The following CCAR1 variants were observed in gnomAD, a reference collection of about 807,000 sequenced individuals.
The protein encoded by CCAR1 is cell division cycle and apoptosis regulator protein 1.
A neutral mutation model predicts 163.8 loss-of-function variants in CCAR1; 78 were observed. That is an observed-to-expected ratio of 0.48 (90% CI 0.40 to 0.57). The LOEUF is 0.57. CCAR1 is among the 20% of genes least tolerant of loss of function. The pLI, the probability that CCAR1 is intolerant of heterozygous loss-of-function variation, is 0.00. For synonymous variants in CCAR1, 443 were observed against 460.7 expected, an observed-to-expected ratio of 0.96 and a Z score of 0.49; for missense variants, 1,019 against 1,365.2, an observed-to-expected ratio of 0.75 and a Z score of 4.00.
chr10:68,758,505 TGTG>T (rs2133370190), intron 15 of CCAR1, among the ~76,000 whole-genome samples: 1 of 78,474 alleles, frequency 1.3e-5, no homozygotes, highest in Non-Finnish European at 2.4e-5. Context: ...TCCTGGGCAG[TGTG>T]TGTGTGTGTG....
At chr10:68,749,400 A>G (rs1208181770) in intron 9 of CCAR1, 124 bp from the exon 10 acceptor site, 26 of 1,278,410 alleles carry the variant, frequency 2.0e-5, no homozygotes, top group African/African-American at 3.0e-5. Flanking sequence ...TTTTACTACA[A>G]TTTTTAAAAA....
rs201730362 is a variant in CCAR1 at position 68,786,528 on chromosome 10, A to G, written c.2734-18A>G. 3 of 1,541,612 alleles carry G rather than the reference A, an allele frequency of 1.9e-6. No homozygotes were observed. The highest frequency in any genetic ancestry group is 2.2e-5 in the Admixed American group (1 of 44,534). ...TTGAAATTTGAATACTATGTTTTCT[A>G]CTTCTCCATTTTCTTAGGAAAAAGA... On this transcript the variant is annotated intron_variant, in intron 20 of 24. Transcript: ENST00000265872.
At chr10:68,750,988 C>T (rs2056322845) in intron 10 of CCAR1, among the ~76,000 whole-genome samples, 1 of 151,184 alleles carries the variant, frequency 6.6e-6, no homozygotes, top group Non-Finnish European at 1.5e-5. Context: ...CGTTCATTTA[C>T]TCTTACTTAT....
intron 2 of CCAR1, among the ~76,000 whole-genome samples, chr10:68,733,755 C>T (rs1026625290): frequency 7.9e-5 from 12 of 152,148 alleles, no homozygotes; most frequent in Non-Finnish European, 1.8e-4. Flanking sequence ...ACTATACCTC[C>T]CGGGTTCAAG....
At chr10:68,782,419 G>A (rs1034889002) in intron 19 of CCAR1, among the ~76,000 whole-genome samples, 8 of 151,220 alleles carry the variant, frequency 5.3e-5, no homozygotes, top group East Asian at 1.9e-4. Flanking sequence ...TCTTGGGGGC[G>A]GGTAAAAAAA....
At chr10:68,789,347 T>C (rs1164838806) in intron 23 of CCAR1, among the ~76,000 whole-genome samples, 2 of 151,834 alleles carry the variant, frequency 1.3e-5, no homozygotes, top group Admixed American at 1.3e-4. Flanking sequence ...ATCCCAGCAC[T>C]TTGGGAGGCC....
intron 10 of CCAR1, among the ~76,000 whole-genome samples, chr10:68,753,046 T>TA (rs1041209720): frequency 2.0e-5 from 3 of 147,368 alleles, no homozygotes; most frequent in Admixed American, 6.8e-5. Context: ...ATACTTCAAA[T>TA]AAAGACATCT....
In CCAR1 at chr10:68,771,346, T is replaced by TA; in HGVS notation, c.2445dup (p.Glu816ArgfsTer5). ...AAAGCAAAAAAGATGAGAGAAAAGA[T>TA]AAAAAAGAAGAAAGAGATGATGAAA... On this transcript the variant is annotated frameshift_variant, in exon 18 of 25. Coordinates refer to ENST00000265872, the MANE Select transcript of CCAR1 (RefSeq NM_018237.4). LOFTEE classifies it high-confidence loss of function. The TA allele has an allele frequency of 6.2e-7, 1 of 1,603,860 alleles. No homozygotes were observed. The highest frequency in any genetic ancestry group is 8.5e-7 in the Non-Finnish European group (1 of 1,174,484).
At chr10:68,747,065 G>A in intron 6 of CCAR1, 96 bp from the exon 7 acceptor site, 1 of 616,732 alleles carries the variant, frequency 1.6e-6, no homozygotes, top group Non-Finnish European at 2.7e-6. Flanking sequence ...TTGAGATATG[G>A]TTTACTTTAA....
At chr10:68,731,591 G>GTTTTTTTTTTTTTTTTT (rs67032408) in intron 2 of CCAR1, among the ~76,000 whole-genome samples, 2 of 75,624 alleles carry the variant, frequency 2.6e-5, no homozygotes, top group Non-Finnish European at 4.8e-5. Context: ...TCTTGTTTCT[G>GTTTTTTTTTTTTTTTTT]TTTTTTTTTT....
At chr10:68,748,784 G>GCT (rs1685852316) in intron 8 of CCAR1, among the ~76,000 whole-genome samples, 1 of 151,998 alleles carries the variant, frequency 6.6e-6, no homozygotes, top group South Asian at 2.1e-4. Flanking sequence ...TATGATCTCA[G>GCT]CTCACTGCAG....
In CCAR1 at chr10:68,742,565, CT is replaced by C; in HGVS notation, c.516del (p.Ser173ValfsTer10). ...TGTGGATGAAGATGTATTCTTTCAG[CT>C]TAGGTAAACTTAATGAGGTCTTGTC... ...GFVDEDVFFQ[L>X]SAVKGKTPQV... On this transcript the variant is annotated frameshift_variant, in exon 6 of 25. Coordinates refer to ENST00000265872, the MANE Select transcript of CCAR1 (RefSeq NM_018237.4). 6.2e-7 allele frequency: 1 copy of C among 1,609,874 alleles called. No individual in the cohort carries two copies. Among genetic ancestry groups the C allele is most frequent in the Non-Finnish European group, 8.5e-7 (1 of 1,176,548 alleles).
intron 19 of CCAR1, among the ~76,000 whole-genome samples, chr10:68,782,535 C>G (rs1286378864): frequency 1.3e-5 from 2 of 152,164 alleles, no homozygotes; most frequent in African/African-American, 4.8e-5. Context: ...CTTCTTCCAT[C>G]GGCTGAAGAT....
chr10:68,791,295 G>T lies in CCAR1; in HGVS notation c.*29G>T. 1 of 1,404,406 alleles carries T rather than the reference G, an allele frequency of 7.1e-7. No individual in the cohort carries two copies. Among genetic ancestry groups the T allele is most frequent in the Non-Finnish European group, 9.9e-7 (1 of 1,012,182 alleles). The allele number at this position is 1,404,406 out of a possible 1,614,324, so 87.0% of individuals were successfully genotyped here. A position where few individuals can be genotyped will look rare whatever the true frequency, so the allele number is the denominator to read the frequency against. On this transcript the variant is annotated 3_prime_UTR_variant, in exon 25 of 25. Transcript: ENST00000265872. ...AATCCATGTAGTGATGAGGAATGGT[G>T]TTAAATAATGTAATATATAAAAATC... is the stretch of plus-strand genomic sequence containing the variant.
intron 17 of CCAR1, among the ~76,000 whole-genome samples, chr10:68,769,815 C>T (rs901370292): frequency 4.0e-5 from 6 of 151,270 alleles, no homozygotes; most frequent in African/African-American, 1.5e-4. Context: ...GTGGCAGGCG[C>T]TTGTAGGCCC....
chr10:68,751,824 A>C (rs2056335214), intron 10 of CCAR1, among the ~76,000 whole-genome samples: 1 of 151,498 alleles, frequency 6.6e-6, no homozygotes, highest in East Asian at 2.0e-4. Context: ...AGATTGCACC[A>C]CTGCACTCCA....
intron 8 of CCAR1, 74 bp from the exon 9 acceptor site, chr10:68,749,062 C>T (rs2056297445): frequency 1.3e-6 from 2 of 1,559,278 alleles, no homozygotes; most frequent in South Asian, 2.3e-5. Context: ...AACTTTGTTC[C>T]TCTAATTTTA....
intron 16 of CCAR1, among the ~76,000 whole-genome samples, chr10:68,764,932 A>G (rs12771516): frequency 0.099 from 15,115 of 152,176 alleles, 940 homozygotes; most frequent in South Asian, 0.16. Flanking sequence ...AAAACATACT[A>G]AATTTGTATG....
intron 10 of CCAR1, among the ~76,000 whole-genome samples, chr10:68,751,989 C>T (rs1424956867): frequency 6.7e-6 from 1 of 149,086 alleles, no homozygotes; most frequent in East Asian, 2.0e-4. Context: ...CAATCTCGGC[C>T]CACTGCAAGC....
Sources: gnomAD v4.1 joint callset for allele counts (sites outside exome capture counted in the v4.1 genomes callset) on GRCh38, gnomAD v4.1.1 for gene constraint, MANE v1.5 for transcripts, NCBI Gene and HGNC (gene_info 2026-07-23, HGNC 2026-07-21) for gene names.